Variants in SETBP1 observed in about 807,000 individuals in gnomAD.
SETBP1 encodes the protein SET binding protein 1.
SETBP1 carries 9 observed loss-of-function variants against 101.0 expected under a neutral mutation model. The ratio of observed to expected loss-of-function variants is 0.09; its 90% CI spans 0.05 to 0.16. SETBP1 has a LOEUF of 0.16. Ranked by LOEUF, SETBP1 falls within the 10% of genes least tolerant of loss-of-function variation. The pLI is 1.00. For missense variants in SETBP1, 1,858 were observed against 2,033.8 expected, an observed-to-expected ratio of 0.91 and a Z score of 1.66; for synonymous variants, 818 against 788.5, an observed-to-expected ratio of 1.04 and a Z score of -0.63.
chr18:45,016,496 T>C (rs1465407096), intron 4 of SETBP1, among the ~76,000 whole-genome samples: 1 of 152,186 alleles, frequency 6.6e-6, no homozygotes, highest in Non-Finnish European at 1.5e-5. Flanking sequence ...CTTTGTTCTC[T>C]CTCCGCCACG....
At chr18:44,816,088 A>C (rs915666016) in intron 2 of SETBP1, among the ~76,000 whole-genome samples, 1 of 152,212 alleles carries the variant, frequency 6.6e-6, no homozygotes, top group Non-Finnish European at 1.5e-5. Flanking sequence ...AGATGAAAGA[A>C]GGAGGCCTGG....
intron 3 of SETBP1, among the ~76,000 whole-genome samples, chr18:44,875,597 C>T (rs2069385086): frequency 1.3e-5 from 2 of 151,108 alleles, no homozygotes; most frequent in Non-Finnish European, 1.5e-5. Context: ...CACTGAGCCT[C>T]GTTAGACTCA....
intron 3 of SETBP1, among the ~76,000 whole-genome samples, chr18:44,892,573 C>T (rs1367547483): frequency 6.6e-6 from 1 of 152,118 alleles, no homozygotes; most frequent in Admixed American, 6.5e-5. Flanking sequence ...CATCTTGTCT[C>T]TGCTTGAAAG....
At chr18:44,861,325 G>A (rs184634236) in intron 2 of SETBP1, among the ~76,000 whole-genome samples, 4 of 127,536 alleles carry the variant, frequency 3.1e-5, no homozygotes, top group East Asian at 2.6e-4. Context: ...TGCAACCTCC[G>A]CCTCTCAAGT....
At chr18:44,989,906 AAT>A (rs1254098264) in intron 4 of SETBP1, among the ~76,000 whole-genome samples, 3,432 of 71,892 alleles carry the variant, frequency 0.048, 1,526 homozygotes, top group Non-Finnish European at 0.053. Flanking sequence ...AAAAAAAAAA[AAT>A]TTATCTAAGT....
At chr18:44,681,833 T>C (rs1225552184) in intron 1 of SETBP1, among the ~76,000 whole-genome samples, 1 of 152,140 alleles carries the variant, frequency 6.6e-6, no homozygotes, top group East Asian at 1.9e-4. Context: ...ATCTCACGGT[T>C]GACATCTAAC....
chr18:45,032,670 T>C (rs1599473356), intron 4 of SETBP1, among the ~76,000 whole-genome samples: 1 of 152,238 alleles, frequency 6.6e-6, no homozygotes, highest in South Asian at 2.1e-4. Context: ...CCTGTGTTCC[T>C]CTCCCCAAGC....
intron 4 of SETBP1, among the ~76,000 whole-genome samples, chr18:45,008,705 C>T (rs1298034466): frequency 6.6e-6 from 1 of 152,174 alleles, no homozygotes; most frequent in Admixed American, 6.5e-5. Context: ...AATCCCAGAA[C>T]TCCATGGTTT....
chr18:44,779,345 A>T (rs11660578), intron 2 of SETBP1, among the ~76,000 whole-genome samples: 118,807 of 152,200 alleles, frequency 0.78, 46,563 homozygotes, highest in Admixed American at 0.84. Flanking sequence ...TGCTTAGAGC[A>T]AGAGAATACT....
intron 3 of SETBP1, among the ~76,000 whole-genome samples, chr18:44,902,797 A>G (rs565843127): frequency 1.3e-5 from 2 of 152,250 alleles, no homozygotes; most frequent in South Asian, 2.1e-4. Context: ...TATTGGGATT[A>G]TTAGTGCCTC....
chr18:44,784,436 C>T (rs993272084), intron 2 of SETBP1, among the ~76,000 whole-genome samples: 7 of 152,224 alleles, frequency 4.6e-5, no homozygotes, highest in African/African-American at 1.7e-4. Context: ...TCTGCCTTCA[C>T]ATGACCTACC....
At chr18:44,781,232 G>C (rs1352820313) in intron 2 of SETBP1, among the ~76,000 whole-genome samples, 4 of 152,214 alleles carry the variant, frequency 2.6e-5, no homozygotes, top group East Asian at 3.8e-4. Context: ...GACCTTAGTT[G>C]CTTCTTGAGA....
chr18:45,047,974 C>T (rs1190031632), intron 5 of SETBP1, among the ~76,000 whole-genome samples: 1 of 152,178 alleles, frequency 6.6e-6, no homozygotes, highest in Non-Finnish European at 1.5e-5. Context: ...TTGGAACAGA[C>T]TAGACAAACC....
At chr18:44,792,590 C>T (rs2071392138) in intron 2 of SETBP1, among the ~76,000 whole-genome samples, 1 of 152,200 alleles carries the variant, frequency 6.6e-6, no homozygotes, top group Admixed American at 6.5e-5. Flanking sequence ...GGACCGGATG[C>T]CCACGTTCCT....
intron 3 of SETBP1, among the ~76,000 whole-genome samples, chr18:44,885,786 A>G (rs1329451426): frequency 1.4e-5 from 2 of 147,784 alleles, no homozygotes; most frequent in African/African-American, 2.5e-5. Context: ...TCGTGTGTAG[A>G]CAGGGAAAAC....
intron 4 of SETBP1, among the ~76,000 whole-genome samples, chr18:44,956,427 A>G (rs900890219): frequency 2.2e-4 from 34 of 152,016 alleles, no homozygotes; most frequent in Non-Finnish European, 4.0e-4. Context: ...AGATGCATTA[A>G]GAGCTTTCAG....
chr18:44,829,451 T>G (rs1421405992), intron 2 of SETBP1, among the ~76,000 whole-genome samples: 1 of 152,138 alleles, frequency 6.6e-6, no homozygotes, highest in African/African-American at 2.4e-5. Context: ...AAATGTTTTT[T>G]GAAAAAATAA....
intron 5 of SETBP1, among the ~76,000 whole-genome samples, chr18:45,045,938 A>T (rs2073603760): frequency 6.6e-6 from 1 of 151,968 alleles, no homozygotes; most frequent in African/African-American, 2.4e-5. Flanking sequence ...TTGAATGGCT[A>T]ATTCATGATG....
chr18:44,875,678 T>C (rs1739493738), intron 3 of SETBP1, among the ~76,000 whole-genome samples: 1 of 152,144 alleles, frequency 6.6e-6, no homozygotes, highest in Non-Finnish European at 1.5e-5. Context: ...ACTTAGTATA[T>C]ATAGATGCCG....
Sources: gnomAD v4.1 joint callset for allele counts (sites outside exome capture counted in the v4.1 genomes callset) on GRCh38, gnomAD v4.1.1 for gene constraint, MANE v1.5 for transcripts, NCBI Gene and HGNC (gene_info 2026-07-23, HGNC 2026-07-21) for gene names.